Variants in DNAH6 observed in about 807,000 individuals in gnomAD.
DNAH6 encodes dynein axonemal heavy chain 6.
DNAH6 carries 340 observed loss-of-function variants against 491.4 expected under a neutral mutation model. That is an observed-to-expected ratio of 0.69 (90% CI 0.63 to 0.76). The LOEUF is 0.76. Ranked by LOEUF, DNAH6 falls within the 30% of genes least tolerant of loss-of-function variation. DNAH6 has a pLI of 0.00. For missense variants in DNAH6, 4,443 were observed against 4,972.2 expected (o/e 0.89, Z 3.20); for synonymous variants, 1,603 against 1,686.1 (o/e 0.95, Z 1.21).
intron 14 of DNAH6, among the ~76,000 whole-genome samples, 195 bp downstream of exon 14, chr2:84,579,874 CATCGT>C (rs1381937345): frequency 9.9e-5 from 15 of 152,176 alleles, no homozygotes; most frequent in African/African-American, 3.1e-4. Flanking sequence ...ACTAGTCAGG[CATCGT>C]ATTACACTTT....
At chr2:84,678,904 C>A (rs981236968) in intron 41 of DNAH6, among the ~76,000 whole-genome samples, 1 of 152,158 alleles carries the variant, frequency 6.6e-6, no homozygotes, top group Admixed American at 6.5e-5. Flanking sequence ...CTCATTACAA[C>A]GGACAGGGTA....
chr2:84,703,226 A>G (rs1237890453), intron 49 of DNAH6, among the ~76,000 whole-genome samples, 169 bp from the exon 50 acceptor site: 1 of 152,248 alleles, frequency 6.6e-6, no homozygotes, highest in East Asian at 1.9e-4. Context: ...CTAGAGTTCC[A>G]TTATCTGAAC....
chr2:84,575,107 C>A (rs796805242), intron 12 of DNAH6, among the ~76,000 whole-genome samples: 6 of 152,242 alleles, frequency 3.9e-5, no homozygotes, highest in African/African-American at 1.4e-4. Flanking sequence ...CCCAGTACGT[C>A]CTAAACCACT....
chr2:84,793,391 C>T (rs139278632), intron 68 of DNAH6, among the ~76,000 whole-genome samples: 19 of 152,268 alleles, frequency 1.2e-4, no homozygotes, highest in Admixed American at 6.5e-5. Flanking sequence ...GATGGAGAAG[C>T]GCAAAATCTG....
chr2:84,781,533 G>A lies in DNAH6; in HGVS notation c.10744G>A (p.Ala3582Thr). ...ACTGGGGCAAGGACAAGGACCTATT[G>A]CTGAAAAAATGGTCAAGGATGCAAT... The part of the protein sequence containing the change: ...ISLGQGQGPI[A>T]EKMVKDAMKS... Residue 3582 changes from alanine to threonine, a missense_variant, in exon 65 of 77, where the codon GCT becomes ACT. By Grantham distance (58) the Ala-to-Thr change is moderately conservative. Transcript: ENST00000389394. The A allele has an allele frequency of 6.4e-7, 1 of 1,551,554 alleles. No individual in the cohort carries two copies. The highest frequency in any genetic ancestry group is 8.7e-7 in the Non-Finnish European group (1 of 1,146,876).
intron 15 of DNAH6, among the ~76,000 whole-genome samples, chr2:84,587,066 A>G (rs1683625509): frequency 6.6e-6 from 1 of 152,100 alleles, no homozygotes; most frequent in African/African-American, 2.4e-5. Context: ...TACAAGGCCT[A>G]GTACCCAATA....
intron 16 of DNAH6, among the ~76,000 whole-genome samples, chr2:84,589,795 A>T (rs1683927629): frequency 6.6e-6 from 1 of 152,040 alleles, no homozygotes; most frequent in Non-Finnish European, 1.5e-5. Flanking sequence ...GGGGTAAGAG[A>T]TGCAGGTGCT....
intron 14 of DNAH6, among the ~76,000 whole-genome samples, chr2:84,580,295 C>T (rs1030613076): frequency 2.3e-5 from 3 of 131,434 alleles, no homozygotes; most frequent in African/African-American, 8.8e-5. Flanking sequence ...GTTTCTCTCT[C>T]TTATACACAC....
At chr2:84,699,855 T>C in intron 48 of DNAH6, 121 bp downstream of exon 48, 1 of 931,864 alleles carries the variant, frequency 1.1e-6, no homozygotes, top group Non-Finnish European at 1.5e-6. Context: ...ACTAGGAATT[T>C]ATTCATATAG....
intron 11 of DNAH6, among the ~76,000 whole-genome samples, chr2:84,568,965 A>T (rs1022069012): frequency 3.9e-5 from 6 of 152,208 alleles, no homozygotes; most frequent in Non-Finnish European, 8.8e-5. Flanking sequence ...AAATAAAAGA[A>T]CATTTTGCAA....
chr2:84,493,799 C>A, the DNAH6 span, among the ~76,000 whole-genome samples: 334 of 151,934 alleles, frequency 2.2e-3, no homozygotes, highest in Admixed American at 4.3e-3. Context: ...AGCTTCAGGC[C>A]CAAAGATGAG....
chr2:84,739,766 G>A (rs1307385272), intron 62 of DNAH6, among the ~76,000 whole-genome samples: 1 of 152,104 alleles, frequency 6.6e-6, no homozygotes, highest in African/African-American at 2.4e-5. Context: ...ATATAGCTAT[G>A]TTGTCTTTCA....
rs1558974971 is a variant in DNAH6, at chr2:84,733,557, A to G, written c.10320A>G (p.Ser3440=). ...VFHGLTQNIL[S]HPISIRLGSF... is the part of the protein sequence containing the mutation. ...ACGGACTTACCCAAAATATATTGTC[A>G]CATCCTATTTCCATACGCTTAGGTA... Residue 3440 remains serine, a synonymous_variant, in exon 62 of 77, where the codon TCA becomes TCG. Coordinates refer to ENST00000389394, the MANE Select transcript of DNAH6 (RefSeq NM_001370.2). The G allele has an allele frequency of 6.4e-7, 1 of 1,551,702 alleles. No individual in the cohort carries two copies. Among genetic ancestry groups the G allele is most frequent in the Non-Finnish European group, 8.7e-7 (1 of 1,146,966 alleles).
intron 20 of DNAH6, among the ~76,000 whole-genome samples, chr2:84,606,264 G>C (rs1685754889): frequency 6.6e-6 from 1 of 152,150 alleles, no homozygotes; most frequent in Admixed American, 6.5e-5. Context: ...CCAGGTGTAG[G>C]TTGGAAGAGA....
At chr2:84,528,354 A>G (rs1410252556) in intron 3 of DNAH6, among the ~76,000 whole-genome samples, 1 of 152,192 alleles carries the variant, frequency 6.6e-6, no homozygotes, top group Non-Finnish European at 1.5e-5. Context: ...GGTCTAAAAA[A>G]CAGCCGATAT....
At chr2:84,569,544 A>G (rs1286134504) in intron 11 of DNAH6, among the ~76,000 whole-genome samples, 3 of 152,212 alleles carry the variant, frequency 2.0e-5, no homozygotes, top group Admixed American at 6.5e-5. Flanking sequence ...ATAAACCCAC[A>G]TGTATTTCAA....
At chr2:84,697,171 T>C (rs1695470238) in intron 46 of DNAH6, among the ~76,000 whole-genome samples, 1 of 152,196 alleles carries the variant, frequency 6.6e-6, no homozygotes, top group African/African-American at 2.4e-5. Flanking sequence ...ATTGTTCTTA[T>C]AATGTAAACA....
At chr2:84,586,543 A>G (rs17025321) in intron 15 of DNAH6, among the ~76,000 whole-genome samples, 10,992 of 152,218 alleles carry the variant, frequency 0.072, 1,310 homozygotes, top group African/African-American at 0.25. Flanking sequence ...GTTTTATTGT[A>G]TTTTACAGTG....
chr2:84,508,624 G>C, the DNAH6 span, among the ~76,000 whole-genome samples: 1,171 of 152,172 alleles, frequency 7.7e-3, 13 homozygotes, highest in African/African-American at 0.026. Flanking sequence ...GAATGTGTTT[G>C]CTCTTGCTTC....
Sources: gnomAD v4.1 joint callset for allele counts (sites outside exome capture counted in the v4.1 genomes callset) on GRCh38, gnomAD v4.1.1 for gene constraint, MANE v1.5 for transcripts, NCBI Gene and HGNC (gene_info 2026-07-23, HGNC 2026-07-21) for gene names.